GFRAL: variants seen among roughly 807,000 people sequenced by gnomAD.
GFRAL encodes GDNF family receptor alpha like, also known as GDNF family receptor alpha-like.
GFRAL carries 36 observed loss-of-function variants against 45.4 expected under a neutral mutation model. That is an observed-to-expected ratio of 0.79 (90% CI 0.61 to 1.05). The LOEUF (loss-of-function observed/expected upper bound fraction) is 1.05. GFRAL is among the 50% of genes least tolerant of loss of function. GFRAL has a pLI of 0.00. For synonymous variants in GFRAL, 166 were observed against 154.1 expected, an observed-to-expected ratio of 1.08 and a Z score of -0.57; for missense variants, 507 against 467.5, an observed-to-expected ratio of 1.08 and a Z score of -0.78.
intron 6 of GFRAL, among the ~76,000 whole-genome samples, chr6:55,382,902 C>G (rs1768629450): frequency 6.6e-6 from 1 of 151,948 alleles, no homozygotes; most frequent in East Asian, 1.9e-4. Context: ...GTAAATACTA[C>G]TTTTTATCAC....
chr6:55,372,923 C>T (rs946064264), intron 6 of GFRAL, among the ~76,000 whole-genome samples: 8 of 151,968 alleles, frequency 5.3e-5, no homozygotes, highest in East Asian at 3.9e-4. Context: ...CAGCATCAGC[C>T]GCGAACTCAA....
intron 6 of GFRAL, among the ~76,000 whole-genome samples, chr6:55,375,324 G>A (rs1768509420): frequency 6.6e-6 from 1 of 152,100 alleles, no homozygotes; most frequent in Non-Finnish European, 1.5e-5. Flanking sequence ...AGTTCTCCTT[G>A]ATGATGTCTT....
Position 55,331,722 on chromosome 6 carries a change from G to A in GFRAL, c.30G>A (p.Gly10=), listed in dbSNP as rs1443292801. The change falls in exon 2 of 9, where the codon GGG becomes GGA. Residue 10 remains glycine (G), a synonymous_variant. Transcript: ENST00000340465. The part of the protein sequence containing the change: MIVFIFLAM[G]LSLENEYTSQ... ...TTGTTGTTGTTATTCAAGCTATGGG[G>A]TTAAGCTTGGAAAATGAATACACTT... The A allele has an allele frequency of 6.2e-7, 1 of 1,607,886 alleles. No individual in the cohort carries two copies.
At chr6:55,383,806 C>T (rs1768645282) in intron 6 of GFRAL, among the ~76,000 whole-genome samples, 1 of 151,970 alleles carries the variant, frequency 6.6e-6, no homozygotes. Flanking sequence ...ACATTTAGGA[C>T]AAGTTCCCAG....
intron 6 of GFRAL, among the ~76,000 whole-genome samples, chr6:55,384,026 A>G (rs1768648210): frequency 6.6e-6 from 1 of 152,068 alleles, no homozygotes; most frequent in Non-Finnish European, 1.5e-5. Flanking sequence ...TTTGCTTACC[A>G]AGTCAATGGA....
At chr6:55,384,269 A>AT (rs1458500837) in intron 6 of GFRAL, among the ~76,000 whole-genome samples, 4 of 151,186 alleles carry the variant, frequency 2.6e-5, no homozygotes, top group African/African-American at 9.8e-5. Context: ...CTTAAAGTAT[A>AT]TAAAAAAAAC....
chr6:55,351,663 A>T (rs139761685), intron 5 of GFRAL, 80 bp downstream of exon 5: 15,321 of 954,996 alleles, frequency 0.016, 186 homozygotes, highest in Non-Finnish European at 0.02. Context: ...TTGATCTCAT[A>T]ACATTAGCTA....
chr6:55,381,452 A>G (rs149558206), intron 6 of GFRAL, among the ~76,000 whole-genome samples: 1 of 151,954 alleles, frequency 6.6e-6, no homozygotes, highest in East Asian at 1.9e-4. Flanking sequence ...TAGATGATTT[A>G]TTTGGCTGCA....
chr6:55,333,118 A>G (rs569466546), intron 2 of GFRAL, among the ~76,000 whole-genome samples: 1 of 152,168 alleles, frequency 6.6e-6, no homozygotes, highest in Non-Finnish European at 1.5e-5. Context: ...AGTCTTTTGC[A>G]GTAAATTGCA....
intron 6 of GFRAL, among the ~76,000 whole-genome samples, chr6:55,394,539 G>T (rs868021514): frequency 6.6e-6 from 1 of 152,170 alleles, no homozygotes; most frequent in Non-Finnish European, 1.5e-5. Context: ...GAAATGGGTT[G>T]AGGATCAGAG....
intron 3 of GFRAL, among the ~76,000 whole-genome samples, chr6:55,346,531 G>A (rs553268073): frequency 3.9e-5 from 6 of 152,024 alleles, no homozygotes; most frequent in African/African-American, 9.6e-5. Context: ...ATCACACACC[G>A]GGGCCTGTCG....
chr6:55,346,063 A>G (rs905960618), intron 3 of GFRAL, among the ~76,000 whole-genome samples: 2 of 152,212 alleles, frequency 1.3e-5, no homozygotes, highest in African/African-American at 4.8e-5. Flanking sequence ...GAGGATGTGG[A>G]GAAATAGGAA....
chr6:55,357,853 T>C (rs1440594965), intron 5 of GFRAL, among the ~76,000 whole-genome samples: 1 of 151,740 alleles, frequency 6.6e-6, no homozygotes, highest in Admixed American at 6.6e-5. Context: ...AATGAATAAA[T>C]AGCATGTAGG....
intron 6 of GFRAL, among the ~76,000 whole-genome samples, chr6:55,369,936 C>A (rs1274030033): frequency 1.3e-5 from 2 of 152,136 alleles, no homozygotes; most frequent in Non-Finnish European, 2.9e-5. Flanking sequence ...GATCTGCATA[C>A]CTCCTTAATG....
chr6:55,350,111 A>G lies in GFRAL; in HGVS notation c.336A>G (p.Lys112=). 1.3e-6 allele frequency: 2 copies of G among 1,542,008 alleles called. No homozygotes were observed. The part of the protein sequence containing the change: ...INKSDNVKED[K]FKWNLTTRSH... Reference sequence around the variant, plus strand: ...TTCTAGATAACGTGAAAGAGGATAAATTCAAATGGAATCTAACTACACGTT... The same window carrying G: ...TTCTAGATAACGTGAAAGAGGATAAGTTCAAATGGAATCTAACTACACGTT... The change falls in exon 4 of 9, where the codon AAA becomes AAG. Residue 112 remains lysine, a synonymous_variant. Transcript: ENST00000340465.
chr6:55,365,824 C>G (rs1768353984), intron 6 of GFRAL, among the ~76,000 whole-genome samples: 1 of 150,196 alleles, frequency 6.7e-6, no homozygotes, highest in Admixed American at 6.6e-5. Context: ...TTTGGATGTG[C>G]TGCTGGATTC....
chr6:55,355,920 G>T (rs1768185143), intron 5 of GFRAL, among the ~76,000 whole-genome samples: 1 of 151,880 alleles, frequency 6.6e-6, no homozygotes, highest in Admixed American at 6.6e-5. Context: ...TGGTTTTGAG[G>T]CTTTTATCAT....
rs922553538 is a variant in GFRAL at position 55,359,009 on chromosome 6, T to C, written c.823T>C (p.Cys275Arg). Residue 275 changes from cysteine (C) to arginine (R), a missense_variant, in exon 6 of 9, where the codon TGC becomes CGC. Coordinates refer to ENST00000340465, the MANE Select transcript of GFRAL (RefSeq NM_207410.2). ...CCTCACTTGTTCAGGAAGTGATGAC[T>C]GCAAAGCTGCTTACATAGATATCCT... Reference protein sequence around the residue: ...QDLTCSGSDDCKAAYIDILGT... With the variant: ...QDLTCSGSDDRKAAYIDILGT... The C allele has an allele frequency of 6.2e-7, 1 of 1,613,110 alleles. No individual in the cohort carries two copies. Among genetic ancestry groups the C allele is most frequent in the Non-Finnish European group, 8.5e-7 (1 of 1,179,380 alleles).
At chr6:55,329,348 C>T (rs1400306250) in intron 1 of GFRAL, among the ~76,000 whole-genome samples, 2 of 151,954 alleles carry the variant, frequency 1.3e-5, no homozygotes, top group East Asian at 3.9e-4. Context: ...GGAAGTAAAA[C>T]ATATTTGGGG....
Sources: gnomAD v4.1 joint callset for allele counts (sites outside exome capture counted in the v4.1 genomes callset) on GRCh38, gnomAD v4.1.1 for gene constraint, MANE v1.5 for transcripts, NCBI Gene and HGNC (gene_info 2026-07-23, HGNC 2026-07-21) for gene names.